The following IFNGR1 variants were observed in gnomAD, a reference collection of about 807,000 sequenced individuals.
IFNGR1 encodes the protein interferon gamma receptor 1.
Under a neutral mutation model 35.4 loss-of-function variants are expected in IFNGR1, and 23 were observed. The observed-to-expected ratio is 0.65, with a 90% CI of 0.47 to 0.92. The LOEUF is 0.92. Among genes scored for constraint, IFNGR1 ranks in the 40% least tolerant of loss-of-function variants. The probability of loss-of-function intolerance (pLI) is 0.00; values close to 1 mark genes in which losing one functional copy is unlikely to be tolerated. For missense variants in IFNGR1, 533 were observed against 583.4 expected, an observed-to-expected ratio of 0.91 and a Z score of 0.89; for synonymous variants, 199 against 209.5, an observed-to-expected ratio of 0.95 and a Z score of 0.43.
chr6:137,204,489 G>T lies in IFNGR1; in HGVS notation c.389C>A (p.Pro130His). ...AVCRDGKIGP[P>H]KLDIRKEEKQ... ...CTCCTCCTTTCTGATATCCAGTTTA[G>T]GTGGTCCAATTTTTCCTGGGGAAGG... The change falls in exon 4 of 7, where the codon CCT (proline) becomes CAT (histidine). Residue 130 changes from proline to histidine, a missense_variant. Pro to His is a moderately conservative substitution (Grantham distance 77). Transcript: ENST00000367739. The T allele has an allele frequency of 6.2e-7, 1 of 1,613,592 alleles. No individual in the cohort carries two copies. Among genetic ancestry groups the T allele is most frequent in the African/African-American group, 1.3e-5 (1 of 75,002 alleles).
intron 3 of IFNGR1, among the ~76,000 whole-genome samples, chr6:137,204,908 T>C (rs1779395105): frequency 6.6e-6 from 1 of 152,246 alleles, no homozygotes; most frequent in Non-Finnish European, 1.5e-5. Context: ...ATTAGTTTTC[T>C]TCCCTCATCA....
intron 1 of IFNGR1, 25 bp from the exon 2 acceptor site, chr6:137,207,102 G>A: frequency 6.2e-7 from 1 of 1,612,484 alleles, no homozygotes; most frequent in South Asian, 1.1e-5. Context: ...AAAAGTAAAA[G>A]GGACAATTGT....
At chr6:137,217,663 T>A (rs1322516814) in intron 1 of IFNGR1, among the ~76,000 whole-genome samples, 1 of 152,198 alleles carries the variant, frequency 6.6e-6, no homozygotes, top group African/African-American at 2.4e-5. Flanking sequence ...TCTAGCCTCT[T>A]GAGACCCAGC....
At chr6:137,210,776 G>T (rs1444122585) in intron 1 of IFNGR1, among the ~76,000 whole-genome samples, 11 of 152,132 alleles carry the variant, frequency 7.2e-5, no homozygotes, top group African/African-American at 2.7e-4. Flanking sequence ...CTGTCATGAG[G>T]TGTTACTTTC....
chr6:137,209,872 A>G (rs1421998925), intron 1 of IFNGR1: 1 of 398,588 alleles, frequency 2.5e-6, no homozygotes, highest in Non-Finnish European at 4.4e-6. Context: ...CAATGGAGCC[A>G]CACATTCCAG....
chr6:137,200,925 T>C lies in IFNGR1; in HGVS notation c.817A>G (p.Ile273Val). 1 of 1,608,128 alleles carries C rather than the reference T, an allele frequency of 6.2e-7. No individual in the cohort carries two copies. The highest frequency in any genetic ancestry group is 8.5e-7 in the Non-Finnish European group (1 of 1,175,122). The change falls in exon 6 of 7, where the codon ATT (isoleucine) becomes GTT (valine). Residue 273 changes from isoleucine to valine, a missense_variant. Transcript: ENST00000367739. ...LVFICFYIKK[I>V]NPLKEKSIIL... is the part of the protein sequence containing the mutation. ...ATGCTTTTTTCCTTCAATGGATTAA[T>C]TTTCTTAATATAAAAACAGATGAAT...
chr6:137,201,092 T>C lies in IFNGR1; in HGVS notation c.734-84A>G, dbSNP rs1201868896. The C allele has an allele frequency of 4.9e-6, 7 of 1,418,286 alleles. No individual in the cohort carries two copies. The Admixed American group carries it at 5.1e-5, about 10-fold the overall frequency. The allele number at this position is 1,418,286 out of a possible 1,614,324, so 87.9% of individuals were successfully genotyped here. Reference sequence around the variant, plus strand: ...AAAAAGTCTTAGTGCCATTCTTGAATAGATTTACAAATTAGTGAATAGGGC... The same window carrying C: ...AAAAAGTCTTAGTGCCATTCTTGAACAGATTTACAAATTAGTGAATAGGGC... On this transcript the variant is annotated intron_variant, in intron 5 of 6. Transcript: ENST00000367739.
chr6:137,199,551 CAT>C (rs1419211846), intron 6 of IFNGR1, among the ~76,000 whole-genome samples: 209 of 14,186 alleles, frequency 0.015, 2 homozygotes, highest in Non-Finnish European at 0.023. Context: ...TATTATATAA[CAT>C]ATAAAATATA....
intron 1 of IFNGR1, among the ~76,000 whole-genome samples, chr6:137,216,679 T>G (rs1319985643): frequency 6.6e-6 from 1 of 152,124 alleles, no homozygotes; most frequent in Non-Finnish European, 1.5e-5. Context: ...ACTTTGGAGA[T>G]TTTGTGTTTT....
At chr6:137,206,867 C>A in intron 2 of IFNGR1, 96 bp downstream of exon 2, 1 of 931,100 alleles carries the variant, frequency 1.1e-6, no homozygotes, top group Admixed American at 2.1e-5. Flanking sequence ...GAATGTTTTG[C>A]CACGTGGGAA....
intron 3 of IFNGR1, 145 bp from the exon 4 acceptor site, chr6:137,204,649 A>C (rs1056187602): frequency 2.8e-6 from 2 of 716,062 alleles, no homozygotes; most frequent in Non-Finnish European, 5.0e-6. Flanking sequence ...CCACTCCACA[A>C]ATATCTAGAA....
chr6:137,201,066 CA>C, intron 5 of IFNGR1, 58 bp from the exon 6 acceptor site: 1 of 1,567,302 alleles, frequency 6.4e-7, no homozygotes, highest in Non-Finnish European at 8.8e-7. Context: ...TATTATCTAT[CA>C]AAAAGTCTTA....
In IFNGR1 at chr6:137,200,971, G is replaced by C; in HGVS notation, c.771C>G (p.Leu257=). Residue 257 remains leucine, a synonymous_variant, in exon 6 of 7, where the codon CTC becomes CTG. Coordinates refer to ENST00000367739, the MANE Select transcript of IFNGR1 (RefSeq NM_000416.3). ...LWIPVVAALL[L]FLVLSLVFIC... ...TGAATACCAGGCTAAGCACTAGAAA[G>C]AGTAGTAAAGCAGCAACAACTGGAA... 2 of 1,613,204 alleles carry C rather than the reference G, an allele frequency of 1.2e-6. No homozygotes were observed. Among genetic ancestry groups the C allele is most frequent in the Non-Finnish European group, 1.7e-6 (2 of 1,179,382 alleles).
Position 137,198,198 on chromosome 6 carries a change from T to C in IFNGR1, c.1303A>G (p.Lys435Glu), listed in dbSNP as rs746749869. The C allele has an allele frequency of 2.5e-6, 4 of 1,614,150 alleles. No individual in the cohort carries two copies. In the South Asian group the frequency reaches 4.4e-5, roughly 18 times the overall value. The change falls in exon 7 of 7, where the codon AAA becomes GAA. Residue 435 changes from lysine to glutamate, a missense_variant. Transcript: ENST00000367739. ...LSDSEFPPNN[K>E]GEIKTEGQEL... ...TGTCCTTCTGTTTTTATTTCACCTT[T>C]ATTATTTGGGGGAAATTCTGAGTCA...
rs1779172074 is a variant in IFNGR1 at position 137,198,986 on chromosome 6, G to C, written c.862-347C>G. Among the ~76,000 whole-genome samples the C allele has an allele frequency of 2.0e-5, 3 of 152,104 alleles. No homozygotes were observed. The South Asian group carries it at 6.2e-4, about 31-fold the overall frequency. On this transcript the variant is annotated intron_variant, in intron 6 of 6. Coordinates refer to ENST00000367739, the MANE Select transcript of IFNGR1 (RefSeq NM_000416.3). ...AAAGGAGATTAACATTTGAGTCAGTGGGCTGGGAAAGGAAGACCCGCCCTT... is the reference window on the plus strand; with the variant it reads ...AAAGGAGATTAACATTTGAGTCAGTCGGCTGGGAAAGGAAGACCCGCCCTT...
In IFNGR1 at chr6:137,203,584, T is replaced by G. The variant is rs1779346055; in HGVS notation, c.648A>C (p.Ser216=). 6.2e-7 allele frequency: 1 copy of G among 1,613,662 alleles called. No homozygotes were observed. Among genetic ancestry groups the G allele is most frequent in the Non-Finnish European group, 8.5e-7 (1 of 1,179,616 alleles). Residue 216 remains serine (S), a synonymous_variant, in exon 5 of 7, where the codon TCA becomes TCC. Coordinates refer to ENST00000367739, the MANE Select transcript of IFNGR1 (RefSeq NM_000416.3). ...CCCACACATGTAAGACTCCTTCTGCTGAAACACAGTACTGAGAATTCAGTG... is the reference window on the plus strand; with the variant it reads ...CCCACACATGTAAGACTCCTTCTGCGGAAACACAGTACTGAGAATTCAGTG... ...VSSLNSQYCV[S]AEGVLHVWGV...
intron 1 of IFNGR1, among the ~76,000 whole-genome samples, chr6:137,212,640 T>C (rs1489217740): frequency 6.6e-6 from 1 of 152,184 alleles, no homozygotes; most frequent in Non-Finnish European, 1.5e-5. Context: ...GAAAAAGGCA[T>C]ATAGAAGTCA....
chr6:137,201,296 C>T (rs1401712566), intron 5 of IFNGR1, among the ~76,000 whole-genome samples: 1 of 152,142 alleles, frequency 6.6e-6, no homozygotes, highest in Non-Finnish European at 1.5e-5. Context: ...TCCTTACAGC[C>T]CTACATACAG....
intron 6 of IFNGR1, among the ~76,000 whole-genome samples, chr6:137,199,991 T>C (rs1235406889): frequency 1.3e-5 from 2 of 152,202 alleles, no homozygotes; most frequent in African/African-American, 4.8e-5. Flanking sequence ...GCTTTTATTC[T>C]TACCAGGGCT....
Sources: allele counts gnomAD v4.1 joint callset (sites outside exome capture counted in the v4.1 genomes callset), GRCh38; gene constraint gnomAD v4.1.1; transcripts MANE v1.5; gene names NCBI Gene and HGNC (gene_info 2026-07-23, HGNC 2026-07-21).